Variants in KCNT1 observed in about 807,000 individuals in gnomAD.
KCNT1 encodes potassium channel subfamily T member 1.
A neutral mutation model predicts 147.8 loss-of-function variants in KCNT1; 78 were observed. That is an observed-to-expected ratio of 0.53 (90% confidence interval 0.44 to 0.64). The LOEUF (loss-of-function observed/expected upper bound fraction) is 0.64. Among genes scored for constraint, KCNT1 ranks in the 30% least tolerant of loss-of-function variants. KCNT1 has a pLI of 0.00. For missense variants in KCNT1, 1,419 were observed against 1,750.3 expected, an observed-to-expected ratio of 0.81 and a Z score of 3.38; for synonymous variants, 867 against 748.8, an observed-to-expected ratio of 1.16 and a Z score of -2.58.
At chr9:135,727,434 C>T (rs1013172960) in intron 2 of KCNT1, among the ~76,000 whole-genome samples, 1 of 129,050 alleles carries the variant, frequency 7.7e-6, no homozygotes, top group African/African-American at 2.7e-5. Context: ...TCTCCCCCCT[C>T]TCCCTCTCTC....
rs572769074 is a variant in KCNT1, at chr9:135,790,339, C to T, written c.3503-1458C>T. On this transcript the variant is annotated intron_variant, in intron 29 of 30. Transcript: ENST00000371757. ...TCCCTGCACAGCCTCAGCATGAGGC[C>T]CCTGGGCCTCCTCCAAAGGCCTGGG... 62 of 152,302 alleles carry T rather than the reference C, an allele frequency of 4.1e-4. 1 individual carries two copies. Among genetic ancestry groups the T allele is most frequent in the African/African-American group, 1.3e-3 (55 of 41,562 alleles). 9.4% of individuals were successfully genotyped at this position (152,302 alleles called of 1,614,324 possible). A position where few individuals can be genotyped will look rare whatever the true frequency, so the allele number is the denominator to read the frequency against.
At chr9:135,782,345 C>A (rs1057092385) in intron 24 of KCNT1, among the ~76,000 whole-genome samples, 1 of 152,196 alleles carries the variant, frequency 6.6e-6, no homozygotes, top group Non-Finnish European at 1.5e-5. Context: ...GCCCACCTCC[C>A]CTGCCGTCCA....
chr9:135,785,214 C>T (rs1341700494), intron 27 of KCNT1, 96 bp from the exon 28 acceptor site: 67 of 1,550,276 alleles, frequency 4.3e-5, no homozygotes, highest in Non-Finnish European at 5.9e-5. Context: ...CCGTGCCCAC[C>T]AGCCCTAAGC....
At chr9:135,750,827 T>C in intron 3 of KCNT1, 115 bp from the exon 4 acceptor site, 1 of 881,418 alleles carries the variant, frequency 1.1e-6, no homozygotes. Flanking sequence ...AGCCCGGGTG[T>C]GGGAGGGGAG....
At chr9:135,702,447 C>A in intron 1 of KCNT1, 79 bp downstream of exon 1, 1 of 1,176,454 alleles carries the variant, frequency 8.5e-7, no homozygotes, top group Non-Finnish European at 1.3e-6. Flanking sequence ...CAGGCTCCCG[C>A]ACCCTCCAGG....
intron 24 of KCNT1, among the ~76,000 whole-genome samples, chr9:135,779,782 ATGGTCAGT>A (rs1199816929): frequency 6.6e-6 from 1 of 152,218 alleles, no homozygotes; most frequent in African/African-American, 2.4e-5. Context: ...CTGTCCTGGC[ATGGTCAGT>A]TGGTCAGAAC....
chr9:135,756,834 C>G (rs766899440), intron 6 of KCNT1, 39 bp from the exon 7 acceptor site: 1 of 1,583,644 alleles, frequency 6.3e-7, no homozygotes, highest in Non-Finnish European at 8.7e-7. Flanking sequence ...GCCCCAGCCC[C>G]GGCCTGCTCC....
At chr9:135,712,364 G>T (rs1197268876) in intron 1 of KCNT1, among the ~76,000 whole-genome samples, 1 of 152,208 alleles carries the variant, frequency 6.6e-6, no homozygotes, top group African/African-American at 2.4e-5. Flanking sequence ...AAAAGATCAT[G>T]GATGTGGCCT....
At chr9:135,783,030 A>C (rs1352097910) in intron 24 of KCNT1, among the ~76,000 whole-genome samples, 2 of 152,158 alleles carry the variant, frequency 1.3e-5, no homozygotes, top group Non-Finnish European at 2.9e-5. Flanking sequence ...TCCGGGGGGA[A>C]GTGTGGCCTC....
At chr9:135,731,989 TATAG>T (rs1416059266) in intron 2 of KCNT1, among the ~76,000 whole-genome samples, 11 of 18,646 alleles carry the variant, frequency 5.9e-4, no homozygotes, top group Non-Finnish European at 7.0e-4. Flanking sequence ...TATATATATA[TATAG>T]AGAGAGAGAG....
intron 2 of KCNT1, among the ~76,000 whole-genome samples, chr9:135,731,991 T>TATATATATATAGAGAGAGAG (rs1276318460): frequency 2.3e-4 from 5 of 21,732 alleles, no homozygotes; most frequent in African/African-American, 3.5e-4. Flanking sequence ...TATATATATA[T>TATATATATATAGAGAGAGAG]AGAGAGAGAG....
chr9:135,783,162 G>A (rs544148428), intron 24 of KCNT1, among the ~76,000 whole-genome samples: 46 of 152,342 alleles, frequency 3.0e-4, no homozygotes, highest in Middle Eastern at 3.4e-3. Flanking sequence ...TGGATGTACC[G>A]CCTCACGTGA....
rs1286626970 is a variant in KCNT1, at chr9:135,775,325, C to T, written c.2259C>T (p.Tyr753=). The T allele has an allele frequency of 6.2e-7, 1 of 1,607,684 alleles. No individual in the cohort carries two copies. Among genetic ancestry groups the T allele is most frequent in the Non-Finnish European group, 8.5e-7 (1 of 1,176,986 alleles). Residue 753 remains tyrosine, a synonymous_variant, in exon 20 of 31, where the codon TAC becomes TAT. Coordinates refer to ENST00000371757, the MANE Select transcript of KCNT1 (RefSeq NM_020822.3). The part of the protein sequence containing the change: ...GLSVVEYVKG[Y]PPNSPYIGSS... Reference sequence around the variant, plus strand: ...CCTGCCCCAGGTATGTGAAGGGCTACCCTCCCAACTCGCCCTACATCGGCA... The same window carrying T: ...CCTGCCCCAGGTATGTGAAGGGCTATCCTCCCAACTCGCCCTACATCGGCA...
chr9:135,745,012 C>T (rs1830750486), intron 2 of KCNT1, among the ~76,000 whole-genome samples: 1 of 152,222 alleles, frequency 6.6e-6, no homozygotes, highest in Non-Finnish European at 1.5e-5. Flanking sequence ...CCTGAGCCCG[C>T]CTCCCAGGGT....
chr9:135,782,604 C>T (rs1833693568), intron 24 of KCNT1, among the ~76,000 whole-genome samples: 1 of 152,338 alleles, frequency 6.6e-6, no homozygotes, highest in Admixed American at 6.5e-5. Context: ...TGCTGAAGCC[C>T]TCCTGTCCAG....
rs940921714 is a variant in KCNT1 at position 135,752,601 on chromosome 9, A to C, written c.435-1336A>C. On this transcript the variant is annotated intron_variant, in intron 4 of 30. Coordinates refer to ENST00000371757, the MANE Select transcript of KCNT1 (RefSeq NM_020822.3). The surrounding 1 kb of genome is among the most constrained non-coding windows in gnomAD (Gnocchi z 5.1). ...GGGTGGGAAGATGGGTGGATGATGG[A>C]TGGATGGTTGGATGGATGGTGGATG... 11 of 353,106 alleles carry C rather than the reference A, an allele frequency of 3.1e-5. No homozygotes were observed. The highest frequency in any genetic ancestry group is 8.6e-5 in the African/African-American group (4 of 46,566). 21.9% of individuals were successfully genotyped at this position (353,106 alleles called of 1,614,324 possible).
intron 2 of KCNT1, among the ~76,000 whole-genome samples, chr9:135,723,005 T>A (rs1243646067): frequency 6.6e-6 from 1 of 152,228 alleles, no homozygotes; most frequent in African/African-American, 2.4e-5. Context: ...TTCCTTAAAC[T>A]TCAAGGGCAT....
Position 135,792,028 on chromosome 9 carries a change from T to A in KCNT1, c.3588-13T>A. On this transcript the variant is annotated splice_polypyrimidine_tract_variant and intron_variant, in intron 30 of 30. Coordinates refer to ENST00000371757, the MANE Select transcript of KCNT1 (RefSeq NM_020822.3). ...CCCACATCCACTCCAGGGTCCTCTG[T>A]GCCCTCCCGCAGCTATCTCATCCGC... is the stretch of plus-strand genomic sequence containing the variant. The A allele has an allele frequency of 1.9e-6, 3 of 1,603,594 alleles. No homozygotes were observed. Among genetic ancestry groups the A allele is most frequent in the Non-Finnish European group, 2.5e-6 (3 of 1,178,972 alleles).
rs1835632522 is a variant in KCNT1 at position 135,714,430 on chromosome 9, G to A, written c.111-147G>A. Reference sequence around the variant, plus strand: ...GCGCCCCCGCCCGCATGTGCCGCCAGGCCCGCCCCCGCCCGGCCGCCCGCC... The same window carrying A: ...GCGCCCCCGCCCGCATGTGCCGCCAAGCCCGCCCCCGCCCGGCCGCCCGCC... On this transcript the variant is annotated intron_variant, in intron 1 of 30. Transcript: ENST00000371757. The surrounding 1 kb of genome is among the most constrained non-coding windows in gnomAD (Gnocchi z 6.2). 3.4e-6 allele frequency: 1 copy of A among 293,130 alleles called. No individual in the cohort carries two copies. Among genetic ancestry groups the A allele is most frequent in the Non-Finnish European group, 5.0e-6 (1 of 201,360 alleles). The allele number at this position is 293,130 out of a possible 1,614,324, so 18.2% of individuals were successfully genotyped here.
Sources: gnomAD v4.1 joint callset for allele counts (sites outside exome capture counted in the v4.1 genomes callset) on GRCh38, gnomAD v4.1.1 for gene constraint, Gnocchi (gnomAD v3.1) non-coding constraint, MANE v1.5 for transcripts, NCBI Gene and HGNC (gene_info 2026-07-23, HGNC 2026-07-21) for gene names.